Variants in NAV3 observed in about 807,000 individuals in gnomAD.
NAV3 encodes the protein neuron navigator 3.
A neutral mutation model predicts 244.7 loss-of-function variants in NAV3; 87 were observed. That is an observed-to-expected ratio of 0.36 (90% CI 0.30 to 0.42). The LOEUF (loss-of-function observed/expected upper bound fraction) is 0.42, where lower values mean the gene tolerates loss of function less well. Among genes scored for constraint, NAV3 ranks in the 20% least tolerant of loss-of-function variants. The pLI, the probability that NAV3 is intolerant of heterozygous loss-of-function variation, is 1.00. For missense variants in NAV3, 2,663 were observed against 2,893.3 expected, an observed-to-expected ratio of 0.92 and a Z score of 1.83; for synonymous variants, 1,126 against 1,042.2, an observed-to-expected ratio of 1.08 and a Z score of -1.55.
chr12:77,643,193 C>T (rs1872491384), intron 2 of NAV3, among the ~76,000 whole-genome samples: 1 of 151,934 alleles, frequency 6.6e-6, no homozygotes, highest in Non-Finnish European at 1.5e-5. Flanking sequence ...TGTTTTACTT[C>T]TTATGTCTAG....
upstream of NAV3, among the ~76,000 whole-genome samples, chr12:77,829,833 C>A (rs748484168): frequency 3.4e-4 from 51 of 152,222 alleles, no homozygotes; most frequent in Admixed American, 1.1e-3. Context: ...GATTTAAAGA[C>A]CTGGAAACAG....
At chr12:77,618,490 A>T (rs140908800) in intron 2 of NAV3, among the ~76,000 whole-genome samples, 1 of 152,150 alleles carries the variant, frequency 6.6e-6, no homozygotes, top group Admixed American at 6.5e-5. Context: ...AAAAATAATT[A>T]TATTAGTTGA....
At chr12:77,582,039 A>G (rs1377229113) in intron 2 of NAV3, among the ~76,000 whole-genome samples, 1 of 152,228 alleles carries the variant, frequency 6.6e-6, no homozygotes, top group African/African-American at 2.4e-5. Context: ...CTGTAAAACT[A>G]TAGATCAGGT....
chr12:77,927,907 T>C (rs987141120), intron 1 of NAV3, among the ~76,000 whole-genome samples: 1 of 152,054 alleles, frequency 6.6e-6, no homozygotes, highest in Admixed American at 6.6e-5. Flanking sequence ...CCAGTATGAC[T>C]GCATCACTAA....
intron 34 of NAV3, among the ~76,000 whole-genome samples, chr12:78,193,857 A>G (rs948827010): frequency 1.3e-5 from 2 of 152,088 alleles, no homozygotes; most frequent in African/African-American, 2.4e-5. Flanking sequence ...AAAATGACCC[A>G]GTGACCTGCT....
chr12:77,700,388 A>T lies in NAV3; in HGVS notation c.72+128122A>T, dbSNP rs1306086522. ...GAGAGACAAATAAGCAATTTGATAG[A>T]GAGAAAATAAATTAAAATTAAAGTT... On this transcript the variant is annotated intron_variant, in intron 2 of 8. Transcript: ENST00000550042. 5.9e-5 allele frequency among the ~76,000 whole-genome samples: 9 copies of T among 152,250 alleles called. 1 individual carries two copies. In the South Asian group the frequency reaches 1.0e-3, roughly 18 times the overall value.
rs188895737 is a variant in NAV3 at position 77,903,864 on chromosome 12, C to A, written c.244-36455C>A. On this transcript the variant is annotated intron_variant, in intron 1 of 39. Transcript: ENST00000397909. ...TGAACAGGCACTTCTCAAAAGAAGA[C>A]ATTTATGCAGCCAAAAGACACATGA... is the stretch of plus-strand genomic sequence containing the variant. Among the ~76,000 whole-genome samples the A allele has an allele frequency of 3.9e-3, 592 of 152,280 alleles. 5 individuals carry two copies. The highest frequency in any genetic ancestry group is 0.013 in the African/African-American group (561 of 41,556).
In NAV3 at chr12:78,127,486, AAAAC is replaced by A. The variant is rs146983973; in HGVS notation, c.4280+290_4280+293del. On this transcript the variant is annotated intron_variant, in intron 17 of 39. Coordinates refer to ENST00000397909, the MANE Select transcript of NAV3 (RefSeq NM_001024383.2). ...ACTAAACAAACAAACAAACAAAACA[AAAAC>A]AAACAAACAAAAAACTTGTCCCAGG... is the stretch of plus-strand genomic sequence containing the variant. Among the ~76,000 whole-genome samples the A allele has an allele frequency of 3.7e-3, 566 of 152,336 alleles. 2 individuals are homozygous for A. Among genetic ancestry groups the A allele is most frequent in the Middle Eastern group, 6.8e-3 (2 of 294 alleles).
At chr12:78,124,885 T>C (rs1181117886) in intron 16 of NAV3, among the ~76,000 whole-genome samples, 1 of 152,194 alleles carries the variant, frequency 6.6e-6, no homozygotes, top group Non-Finnish European at 1.5e-5. Context: ...AATGCATTAA[T>C]GAATATTAAG....
At chr12:78,208,681 A>G (rs1960585769) in intron 39 of NAV3, among the ~76,000 whole-genome samples, 1 of 152,184 alleles carries the variant, frequency 6.6e-6, no homozygotes, top group Admixed American at 6.5e-5. Context: ...AAAAATTAAG[A>G]CTTTAATAAC....
At chr12:78,083,567 C>T (rs1300692833) in intron 12 of NAV3, among the ~76,000 whole-genome samples, 1 of 152,078 alleles carries the variant, frequency 6.6e-6, no homozygotes, top group Admixed American at 6.5e-5. Flanking sequence ...TGACCCATAG[C>T]CTCACTTCTC....
chr12:78,110,434 C>G (rs1467476239), intron 12 of NAV3, among the ~76,000 whole-genome samples: 2 of 151,740 alleles, frequency 1.3e-5, no homozygotes, highest in African/African-American at 4.8e-5. Context: ...TAGAATAATC[C>G]TAAAATTAGT....
intron 22 of NAV3, among the ~76,000 whole-genome samples, chr12:78,157,759 G>C (rs555896229): frequency 5.9e-5 from 9 of 151,618 alleles, no homozygotes; most frequent in Admixed American, 2.0e-4. Flanking sequence ...CAAGGGTAAG[G>C]GTATGTGGAG....
At chr12:78,119,202 C>T (rs765802453) in intron 14 of NAV3, 35 bp from the exon 15 acceptor site, 5 of 1,568,676 alleles carry the variant, frequency 3.2e-6, no homozygotes, top group Admixed American at 1.9e-5. Flanking sequence ...TCAAACTCTA[C>T]AGGCACATAT....
chr12:77,729,257 A>G (rs1043895994), intron 2 of NAV3, among the ~76,000 whole-genome samples: 17 of 151,962 alleles, frequency 1.1e-4, no homozygotes, highest in African/African-American at 3.6e-4. Context: ...TAGGCTTGGT[A>G]TATATAGGTT....
At chr12:78,113,588 C>T (rs988157034) in intron 12 of NAV3, among the ~76,000 whole-genome samples, 7 of 152,168 alleles carry the variant, frequency 4.6e-5, no homozygotes, top group African/African-American at 1.4e-4. Context: ...GCTGGAGCAG[C>T]TGGGTTGCAG....
At chr12:77,755,585 C>CCTTT (rs1565800367) in intron 2 of NAV3, among the ~76,000 whole-genome samples, 1 of 13,530 alleles carries the variant, frequency 7.4e-5, no homozygotes, top group Non-Finnish European at 1.2e-4. Flanking sequence ...TTCCTTTCCT[C>CCTTT]CCTCCCTCCC....
intron 1 of NAV3, among the ~76,000 whole-genome samples, chr12:77,874,637 A>G (rs1881579079): frequency 1.3e-5 from 2 of 152,050 alleles, no homozygotes; most frequent in Non-Finnish European, 1.5e-5. Context: ...ATTTCACTCT[A>G]TATTGTCTTA....
At chr12:78,121,557 T>C (rs1218853188) in intron 15 of NAV3, among the ~76,000 whole-genome samples, 1 of 152,146 alleles carries the variant, frequency 6.6e-6, no homozygotes, top group East Asian at 1.9e-4. Context: ...GTGTTGTCTA[T>C]CGAATGCGTA....
Sources: gnomAD v4.1 joint callset for allele counts (sites outside exome capture counted in the v4.1 genomes callset) on GRCh38, gnomAD v4.1.1 for gene constraint, MANE v1.5 for transcripts, NCBI Gene and HGNC (gene_info 2026-07-23, HGNC 2026-07-21) for gene names.